Variants in CTIF observed in about 807,000 individuals in gnomAD.
CTIF encodes cap binding complex dependent translation initiation factor, also known as CBP80/20-dependent translation initiation factor.
Under a neutral mutation model 66.0 loss-of-function variants are expected in CTIF, and 21 were observed. The ratio of observed to expected loss-of-function variants is 0.32; its 90% CI spans 0.23 to 0.46. The LOEUF (loss-of-function observed/expected upper bound fraction) is 0.46. Among genes scored for constraint, CTIF ranks in the 20% least tolerant of loss-of-function variants. CTIF has a pLI of 1.00. For missense variants in CTIF, 739 were observed against 812.7 expected (o/e 0.91, Z 1.10); for synonymous variants, 345 against 326.4 (o/e 1.06, Z -0.62).
intron 2 of CTIF, among the ~76,000 whole-genome samples, chr18:48,635,454 G>A (rs2090801668): frequency 6.6e-6 from 1 of 151,214 alleles, no homozygotes; most frequent in South Asian, 2.1e-4. Context: ...CTCCCAAGTA[G>A]CTAGGACAGC....
chr18:48,539,038 T>A lies in CTIF; in HGVS notation c.-303T>A, dbSNP rs1424151966. On this transcript the variant is annotated 5_prime_UTR_variant, in exon 1 of 12. Coordinates refer to ENST00000256413, the MANE Select transcript of CTIF (RefSeq NM_014772.3). ...GGGCGGGGCCTGAACGTCACTCTCC[T>A]ACATTCTCTTTCCCTGTGTCAGATC... 1 of 152,310 alleles carries A rather than the reference T, an allele frequency of 6.6e-6. No individual in the cohort carries two copies. Among genetic ancestry groups the A allele is most frequent in the Non-Finnish European group, 1.5e-5 (1 of 68,128 alleles). The allele number at this position is 152,310 out of a possible 1,614,324, so 9.4% of individuals were successfully genotyped here.
In CTIF at chr18:48,701,535, C is replaced by CAGCCACACTGGGGGCCCCCT. The variant is rs1170296590; in HGVS notation, c.508-10080_508-10079insACACTGGGGGCCCCCTAGCC. Among the ~76,000 whole-genome samples, 6 of 152,146 alleles carry CAGCCACACTGGGGGCCCCCT rather than the reference C, an allele frequency of 3.9e-5. No homozygotes were observed. The South Asian group carries it at 1.2e-3, about 31-fold the overall frequency. ...GTCATCCTCCAGTGCCTCCGTCCCC[C>CAGCCACACTGGGGGCCCCCT]AGCCCCCAGTGCACACAGTGCACTC... On this transcript the variant is annotated intron_variant, in intron 6 of 11. Coordinates refer to ENST00000256413, the MANE Select transcript of CTIF (RefSeq NM_014772.3).
At chr18:48,654,306 G>A (rs2144799230) in intron 3 of CTIF, among the ~76,000 whole-genome samples, 1 of 152,248 alleles carries the variant, frequency 6.6e-6, no homozygotes, top group East Asian at 1.9e-4. Flanking sequence ...ATCAAAAAAT[G>A]GGCAAAGGAT....
intron 7 of CTIF, among the ~76,000 whole-genome samples, chr18:48,736,628 T>C (rs1231016898): frequency 6.6e-6 from 1 of 152,180 alleles, no homozygotes; most frequent in South Asian, 2.1e-4. Flanking sequence ...AGGAAAAACA[T>C]ATAGAATGGG....
chr18:48,757,076 T>G (rs957648076), intron 7 of CTIF, among the ~76,000 whole-genome samples: 1 of 152,194 alleles, frequency 6.6e-6, no homozygotes, highest in Admixed American at 6.5e-5. Flanking sequence ...GGTCACCTTC[T>G]TGCTGTGTCT....
chr18:48,660,781 A>G (rs924666829), intron 3 of CTIF, among the ~76,000 whole-genome samples: 3 of 152,340 alleles, frequency 2.0e-5, no homozygotes, highest in Non-Finnish European at 2.9e-5. Context: ...GCAGGCCAGG[A>G]GGGAGATTTA....
intron 10 of CTIF, among the ~76,000 whole-genome samples, chr18:48,830,734 C>G (rs1443062063): frequency 5.0e-4 from 1 of 2,016 alleles, no homozygotes; most frequent in Non-Finnish European, 9.4e-4. Context: ...TTTCTCAGAC[C>G]CCCCCCCGAC....
intron 5 of CTIF, chr18:48,670,452 C>G (rs572025440): frequency 2.2e-4 from 116 of 527,338 alleles, no homozygotes; most frequent in Non-Finnish European, 3.8e-4. Context: ...CCTCTCCCAC[C>G]TCCCTCCAGG....
In CTIF at chr18:48,669,793, TTATATATATATATATATATATATA is replaced by T. The variant is rs57715945; in HGVS notation, c.432-851_432-828del. ...ATTTATAAACAAACAAGCTAAACATTTATATATATATATATATATATATATATATATATATATATATATATATAA... is the reference window on the plus strand; with the variant it reads ...ATTTATAAACAAACAAGCTAAACATTTATATATATATATATATATATATAA... On this transcript the variant is annotated intron_variant, in intron 5 of 11. Transcript: ENST00000256413. Among the ~76,000 whole-genome samples, 70 of 47,260 alleles carry T rather than the reference TTATATATATATATATATATATATA, an allele frequency of 1.5e-3. 3 individuals carry two copies. Among genetic ancestry groups the T allele is most frequent in the East Asian group, 2.8e-3 (4 of 1,446 alleles). 31.0% of individuals were successfully genotyped at this position (47,260 alleles called of 152,430 possible).
chr18:48,612,193 G>T (rs1416669738), intron 1 of CTIF, among the ~76,000 whole-genome samples: 1 of 152,198 alleles, frequency 6.6e-6, no homozygotes, highest in African/African-American at 2.4e-5. Context: ...GACTGTCGGG[G>T]AAGTACATTC....
intron 6 of CTIF, among the ~76,000 whole-genome samples, chr18:48,689,516 A>G (rs1310729870): frequency 3.3e-5 from 5 of 152,164 alleles, no homozygotes; most frequent in African/African-American, 4.8e-5. Flanking sequence ...CCTCCGCTGA[A>G]GGGTAATGTC....
intron 9 of CTIF, among the ~76,000 whole-genome samples, chr18:48,771,793 C>G (rs911385675): frequency 6.6e-6 from 1 of 152,206 alleles, no homozygotes; most frequent in Admixed American, 6.5e-5. Flanking sequence ...ATCCTTCCCC[C>G]CAGCTCTGTG....
intron 7 of CTIF, among the ~76,000 whole-genome samples, chr18:48,723,088 C>T (rs921114756): frequency 1.2e-4 from 18 of 152,182 alleles, no homozygotes; most frequent in African/African-American, 3.6e-4. Context: ...AAAAGTGAAG[C>T]GACACAAGCA....
intron 6 of CTIF, among the ~76,000 whole-genome samples, chr18:48,688,016 C>T (rs1354112704): frequency 6.6e-6 from 1 of 152,112 alleles, no homozygotes; most frequent in Non-Finnish European, 1.5e-5. Flanking sequence ...GCTTTAATCT[C>T]CTTACTTGGG....
At position 48,611,806 on chromosome 18, in the gene CTIF, T is replaced by C. The variant is rs1043782618; in HGVS notation, c.-28-7732T>C. On this transcript the variant is annotated intron_variant, in intron 1 of 11. Transcript: ENST00000256413. ...GTGCTACATGCTGATATTTTCAATT[T>C]AGTTATACATTTTTTAATGCTGAGA... 4.6e-5 allele frequency among the ~76,000 whole-genome samples: 7 copies of C among 152,352 alleles called. No homozygotes were observed. In the East Asian group the frequency reaches 7.7e-4, roughly 17 times the overall value.
At position 48,758,212 on chromosome 18, in the gene CTIF, G is replaced by A; in HGVS notation, c.878G>A (p.Ser293Asn). 9 of 1,613,540 alleles carry A rather than the reference G, an allele frequency of 5.6e-6. No homozygotes were observed. The highest frequency in any genetic ancestry group is 1.1e-5 in the South Asian group (1 of 91,026). The change falls in exon 8 of 12, where the codon AGC becomes AAC. Residue 293 changes from serine to asparagine, a missense_variant. Around this residue, in one of 2 missense-constraint regions of CTIF, gnomAD observed 529 missense variants for 520.3 expected, o/e 1.02. Coordinates refer to ENST00000256413, the MANE Select transcript of CTIF (RefSeq NM_014772.3). ...ACTGCAGGGGACACCGGGCACAGCA[G>A]CCTTGAGGCCCCCCGCAGCCCTGAC... ...EDTAGDTGHS[S>N]LEAPRSPDTL...
chr18:48,599,813 G>A (rs529115799), intron 1 of CTIF, among the ~76,000 whole-genome samples: 1 of 152,336 alleles, frequency 6.6e-6, no homozygotes, highest in East Asian at 1.9e-4. Context: ...AGGCGAAAGG[G>A]TGACCCCTGT....
chr18:48,672,996 C>T (rs1477540729), intron 6 of CTIF, among the ~76,000 whole-genome samples: 1 of 152,160 alleles, frequency 6.6e-6, no homozygotes, highest in Non-Finnish European at 1.5e-5. Context: ...AAATCTCACT[C>T]AGCCCTTCTC....
intron 5 of CTIF, among the ~76,000 whole-genome samples, chr18:48,666,585 G>A (rs60209168): frequency 0.075 from 11,386 of 152,234 alleles, 470 homozygotes; most frequent in South Asian, 0.1. Context: ...ACTTGCATCC[G>A]ACTCTCCCAG....
Sources: allele counts gnomAD v4.1 joint callset (sites outside exome capture counted in the v4.1 genomes callset), GRCh38; gene constraint gnomAD v4.1.1; regional missense constraint gnomAD v4.1.1; transcripts MANE v1.5; gene names NCBI Gene and HGNC (gene_info 2026-07-23, HGNC 2026-07-21).